DLGAP1: variants seen among roughly 807,000 people sequenced by gnomAD.
The protein encoded by DLGAP1 is disks large-associated protein 1.
DLGAP1 carries 11 observed loss-of-function variants against 90.8 expected under a neutral mutation model. The ratio of observed to expected loss-of-function variants is 0.12; its 90% CI spans 0.08 to 0.20. The LOEUF is 0.20. DLGAP1 is among the 10% of genes least tolerant of loss of function. The pLI, the probability that DLGAP1 is intolerant of heterozygous loss-of-function variation, is 1.00. For missense variants in DLGAP1, 1,050 were observed against 1,333.8 expected (o/e 0.79, Z 3.31); for synonymous variants, 558 against 540.7 (o/e 1.03, Z -0.44).
rs373224921 is a variant in DLGAP1, at chr18:4,418,019, GCA to G, written c.-267+36985_-267+36986del. Among the ~76,000 whole-genome samples the G allele has an allele frequency of 2.6e-3, 392 of 152,276 alleles. 1 individual carries two copies. The highest frequency in any genetic ancestry group is 9.2e-3 in the African/African-American group (383 of 41,572). On this transcript the variant is annotated intron_variant, in intron 1 of 12. Coordinates refer to ENST00000315677, the MANE Select transcript of DLGAP1 (RefSeq NM_004746.4). ...AGACTTAAAGCTGGCGATAGAGCAA[GCA>G]TTGAGAGAAAACAAAACAAAACACG...
At chr18:4,184,503 T>TCC (rs1418613764) in intron 1 of DLGAP1, among the ~76,000 whole-genome samples, 3 of 152,020 alleles carry the variant, frequency 2.0e-5, no homozygotes, top group African/African-American at 7.3e-5. Flanking sequence ...AAACACTGGG[T>TCC]CATTATTTTA....
intron 1 of DLGAP1, among the ~76,000 whole-genome samples, chr18:4,307,327 TCTC>T (rs1355873481): frequency 3.9e-5 from 6 of 152,182 alleles, no homozygotes; most frequent in Admixed American, 3.9e-4. Context: ...ACAGACTCCT[TCTC>T]CTCTTTCACG....
At chr18:4,127,052 T>C (rs1408499933) in intron 2 of DLGAP1, among the ~76,000 whole-genome samples, 1 of 152,204 alleles carries the variant, frequency 6.6e-6, no homozygotes, top group African/African-American at 2.4e-5. Flanking sequence ...TCATTTGGCT[T>C]ATGACACTGT....
rs564521082 is a variant in DLGAP1 at position 3,765,372 on chromosome 18, T to C, written c.1173-22860A>G. 9.9e-4 allele frequency among the ~76,000 whole-genome samples: 149 copies of C among 150,930 alleles called. 1 individual carries two copies. The highest frequency in any genetic ancestry group is 1.7e-3 in the Non-Finnish European group (115 of 67,728). On this transcript the variant is annotated intron_variant, in intron 5 of 12. Coordinates refer to ENST00000315677, the MANE Select transcript of DLGAP1 (RefSeq NM_004746.4). Reference sequence around the variant, plus strand: ...GTCTCGATCTCCTGACCTCATGATCTGCCCACCTTGGCCTCCCAAAGTGCT... The same window carrying C: ...GTCTCGATCTCCTGACCTCATGATCCGCCCACCTTGGCCTCCCAAAGTGCT...
intron 2 of DLGAP1, among the ~76,000 whole-genome samples, chr18:4,070,987 A>C (rs760495932): frequency 6.6e-6 from 1 of 152,130 alleles, no homozygotes; most frequent in Non-Finnish European, 1.5e-5. Context: ...TTTCATCTCT[A>C]CTCAACTGAG....
intron 7 of DLGAP1, among the ~76,000 whole-genome samples, chr18:3,718,888 T>C (rs376992941): frequency 7.2e-6 from 1 of 139,198 alleles, no homozygotes; most frequent in African/African-American, 2.8e-5. Flanking sequence ...ATTGCGCCAC[T>C]GCACTCCAGC....
intron 1 of DLGAP1, among the ~76,000 whole-genome samples, chr18:4,173,973 C>T (rs1487130842): frequency 6.6e-6 from 1 of 152,142 alleles, no homozygotes; most frequent in Non-Finnish European, 1.5e-5. Flanking sequence ...TACATAAGTT[C>T]CACCTTCTGC....
intron 6 of DLGAP1, among the ~76,000 whole-genome samples, chr18:3,738,660 A>G (rs1226320956): frequency 6.6e-6 from 1 of 151,666 alleles, no homozygotes; most frequent in Non-Finnish European, 1.5e-5. Context: ...TAGACCTAAA[A>G]CCATAAAAAC....
At chr18:3,620,807 C>T (rs184678615) in intron 7 of DLGAP1, among the ~76,000 whole-genome samples, 136 of 152,308 alleles carry the variant, frequency 8.9e-4, no homozygotes, top group African/African-American at 3.1e-3. Context: ...ATCCGCCCAC[C>T]TCGGCCTCCC....
Position 3,726,985 on chromosome 18 carries a change from C to A in DLGAP1, c.1591+2150G>T, listed in dbSNP as rs79161259. On this transcript the variant is annotated intron_variant, in intron 7 of 12. Coordinates refer to ENST00000315677, the MANE Select transcript of DLGAP1 (RefSeq NM_004746.4). Reference sequence around the variant, plus strand: ...ATTTCTGGTTAAAGCCCTTTAGATTCAACTTAGATTAAAAATGGAACAACA... The same window carrying A: ...ATTTCTGGTTAAAGCCCTTTAGATTAAACTTAGATTAAAAATGGAACAACA... Among the ~76,000 whole-genome samples the A allele has an allele frequency of 6.8e-4, 104 of 152,318 alleles. 1 individual carries two copies. Among genetic ancestry groups the A allele is most frequent in the Middle Eastern group, 3.4e-3 (1 of 294 alleles).
chr18:3,691,222 G>T (rs1229358362), intron 7 of DLGAP1, among the ~76,000 whole-genome samples: 1 of 152,116 alleles, frequency 6.6e-6, no homozygotes, highest in Non-Finnish European at 1.5e-5. Flanking sequence ...GTGGAGGCGG[G>T]TGGATCACCT....
At chr18:4,409,133 G>A (rs2082724748) in intron 1 of DLGAP1, among the ~76,000 whole-genome samples, 1 of 151,880 alleles carries the variant, frequency 6.6e-6, no homozygotes, top group African/African-American at 2.4e-5. Flanking sequence ...GTAACTTAGG[G>A]TTTTGTTTTT....
chr18:3,625,599 G>A lies in DLGAP1; in HGVS notation c.1592-43351C>T, dbSNP rs139339171. Among the ~76,000 whole-genome samples, 469 of 152,236 alleles carry A rather than the reference G, an allele frequency of 3.1e-3. 1 individual carries two copies. The highest frequency in any genetic ancestry group is 0.011 in the African/African-American group (449 of 41,532). ...TTTTTGGGGTTTTGTTTATGAATAT[G>A]TTGTAATCTAAGAAGAGTAATGTTC... On this transcript the variant is annotated intron_variant, in intron 7 of 12. Coordinates refer to ENST00000315677, the MANE Select transcript of DLGAP1 (RefSeq NM_004746.4).
At chr18:3,966,523 A>G (rs2073335749) in intron 3 of DLGAP1, among the ~76,000 whole-genome samples, 2 of 151,714 alleles carry the variant, frequency 1.3e-5, no homozygotes, top group African/African-American at 2.4e-5. Flanking sequence ...CTCTGGTTGC[A>G]GAAGATGAGA....
chr18:4,284,186 T>G (rs76274591), intron 1 of DLGAP1, among the ~76,000 whole-genome samples: 7,926 of 136,808 alleles, frequency 0.058, 260 homozygotes, highest in African/African-American at 0.097. Flanking sequence ...GCAACACTGC[T>G]AAACTCTGCC....
intron 2 of DLGAP1, among the ~76,000 whole-genome samples, chr18:4,026,334 A>G (rs1175759575): frequency 1.3e-5 from 2 of 152,224 alleles, no homozygotes; most frequent in African/African-American, 4.8e-5. Context: ...CTAAAATGCC[A>G]TTCTGAGCGG....
chr18:3,935,267 A>G (rs1215497171), intron 3 of DLGAP1, among the ~76,000 whole-genome samples: 1 of 152,250 alleles, frequency 6.6e-6, no homozygotes, highest in African/African-American at 2.4e-5. Flanking sequence ...CCTTAGGAAA[A>G]TAGAGAGAAA....
intron 3 of DLGAP1, among the ~76,000 whole-genome samples, chr18:3,895,477 C>T (rs1430555377): frequency 1.3e-5 from 2 of 152,190 alleles, no homozygotes; most frequent in African/African-American, 4.8e-5. Flanking sequence ...TTGACTGTGA[C>T]AATGGTTCTC....
At chr18:3,996,470 A>G (rs980535219) in intron 3 of DLGAP1, among the ~76,000 whole-genome samples, 19 of 152,060 alleles carry the variant, frequency 1.2e-4, no homozygotes, top group African/African-American at 4.6e-4. Context: ...TAAGATATCT[A>G]TTTAGATTAA....
Sources: allele counts gnomAD v4.1 joint callset (sites outside exome capture counted in the v4.1 genomes callset), GRCh38; gene constraint gnomAD v4.1.1; transcripts MANE v1.5; gene names NCBI Gene and HGNC (gene_info 2026-07-23, HGNC 2026-07-21).